SHC3: variants seen among roughly 807,000 people sequenced by gnomAD.
SHC3 encodes the protein SHC-transforming protein 3.
SHC3 carries 15 observed loss-of-function variants against 60.4 expected under a neutral mutation model. That is an observed-to-expected ratio of 0.25 (90% CI 0.17 to 0.38). The LOEUF is 0.38. Ranked by LOEUF, SHC3 falls within the 10% of genes least tolerant of loss-of-function variation. The pLI, the probability that SHC3 is intolerant of heterozygous loss-of-function variation, is 1.00. For synonymous variants in SHC3, 294 were observed against 325.9 expected, an observed-to-expected ratio of 0.90 and a Z score of 1.05; for missense variants, 677 against 786.1, an observed-to-expected ratio of 0.86 and a Z score of 1.66.
chr9:89,048,565 T>G (rs1195174153), intron 7 of SHC3, among the ~76,000 whole-genome samples: 1 of 152,128 alleles, frequency 6.6e-6, no homozygotes, highest in East Asian at 1.9e-4. Context: ...TGGGGGGTAA[T>G]GAAAACGTTC....
chr9:89,153,380 C>T (rs1218015566), intron 1 of SHC3, among the ~76,000 whole-genome samples: 1 of 152,208 alleles, frequency 6.6e-6, no homozygotes, highest in Non-Finnish European at 1.5e-5. Flanking sequence ...ACATCGCCTA[C>T]TTCAGCACTA....
intron 11 of SHC3, among the ~76,000 whole-genome samples, chr9:89,032,841 C>T (rs1229447157): frequency 6.6e-6 from 1 of 152,172 alleles, no homozygotes; most frequent in Non-Finnish European, 1.5e-5. Flanking sequence ...AACCAATTAC[C>T]ATGAAAATCA....
chr9:89,050,193 T>C (rs1824839759), intron 7 of SHC3, among the ~76,000 whole-genome samples: 1 of 152,224 alleles, frequency 6.6e-6, no homozygotes. Context: ...GCTTGACAAA[T>C]ACAGTCAAAT....
At chr9:89,119,981 T>C (rs1488244240) in intron 1 of SHC3, among the ~76,000 whole-genome samples, 1 of 152,146 alleles carries the variant, frequency 6.6e-6, no homozygotes, top group Non-Finnish European at 1.5e-5. Flanking sequence ...AGCTAGTACA[T>C]TAAGAAGAGA....
intron 2 of SHC3, among the ~76,000 whole-genome samples, chr9:89,087,407 C>A (rs1825548462): frequency 6.6e-6 from 1 of 152,112 alleles, no homozygotes; most frequent in African/African-American, 2.4e-5. Context: ...TCAGAACTTT[C>A]CCCTCCCCTC....
At chr9:89,078,166 A>C (rs1028836341) in intron 2 of SHC3, among the ~76,000 whole-genome samples, 1 of 151,202 alleles carries the variant, frequency 6.6e-6, no homozygotes, top group African/African-American at 2.4e-5. Flanking sequence ...CATCTGTGTC[A>C]ATGCTACACT....
At chr9:89,152,337 A>T (rs1185645204) in intron 1 of SHC3, among the ~76,000 whole-genome samples, 2 of 152,222 alleles carry the variant, frequency 1.3e-5, no homozygotes, top group African/African-American at 4.8e-5. Flanking sequence ...CATGCACTGT[A>T]AAAAATAGAG....
intron 5 of SHC3, among the ~76,000 whole-genome samples, chr9:89,070,776 T>A (rs1036195028): frequency 2.0e-5 from 3 of 152,202 alleles, no homozygotes; most frequent in Non-Finnish European, 4.4e-5. Flanking sequence ...ATGCTGATTT[T>A]AAATGCTTAT....
At chr9:89,039,853 GTCA>G (rs1222029092) in intron 10 of SHC3, among the ~76,000 whole-genome samples, 10 of 149,452 alleles carry the variant, frequency 6.7e-5, no homozygotes, top group Non-Finnish European at 1.3e-4. Context: ...CATCCCCATT[GTCA>G]TCATCATCAT....
chr9:89,074,066 C>T (rs1247261971), intron 4 of SHC3, among the ~76,000 whole-genome samples: 3 of 152,202 alleles, frequency 2.0e-5, no homozygotes, highest in Non-Finnish European at 4.4e-5. Context: ...GTTATGTTAA[C>T]ACAAAGCCTG....
intron 6 of SHC3, among the ~76,000 whole-genome samples, chr9:89,053,582 T>C (rs917959550): frequency 6.6e-6 from 1 of 152,264 alleles, no homozygotes; most frequent in South Asian, 2.1e-4. Flanking sequence ...ATGTATTTCC[T>C]CGGAAGAGCA....
intron 11 of SHC3, among the ~76,000 whole-genome samples, chr9:89,014,500 C>T (rs555223129): frequency 3.0e-4 from 45 of 152,218 alleles, no homozygotes; most frequent in African/African-American, 9.6e-4. Flanking sequence ...AGGCCACCCT[C>T]GCGGCTATGC....
At chr9:89,074,396 C>T (rs1825321146) in intron 4 of SHC3, among the ~76,000 whole-genome samples, 1 of 152,176 alleles carries the variant, frequency 6.6e-6, no homozygotes, top group Non-Finnish European at 1.5e-5. Context: ...ATTTCACCTC[C>T]TGCGCCTCAT....
At chr9:89,081,145 C>T (rs772009871) in intron 2 of SHC3, among the ~76,000 whole-genome samples, 1 of 152,080 alleles carries the variant, frequency 6.6e-6, no homozygotes, top group African/African-American at 2.4e-5. Flanking sequence ...TATTGACACA[C>T]TCAATAGCAT....
intron 2 of SHC3, among the ~76,000 whole-genome samples, chr9:89,103,521 A>G (rs913021660): frequency 6.6e-6 from 1 of 152,202 alleles, no homozygotes; most frequent in African/African-American, 2.4e-5. Flanking sequence ...CTAGGCTACT[A>G]TAGCCCAGGC....
intron 2 of SHC3, among the ~76,000 whole-genome samples, chr9:89,085,953 C>G (rs533208079): frequency 2.6e-4 from 40 of 152,320 alleles, no homozygotes; most frequent in African/African-American, 9.4e-4. Flanking sequence ...AGGCCACCAG[C>G]CATGGATCTG....
intron 1 of SHC3, among the ~76,000 whole-genome samples, chr9:89,154,816 T>G (rs1248207454): frequency 2.0e-5 from 3 of 152,198 alleles, no homozygotes; most frequent in African/African-American, 4.8e-5. Context: ...TGTGCTTGAT[T>G]TCATCTGAAA....
At chr9:89,122,971 A>G (rs1398652122) in intron 1 of SHC3, among the ~76,000 whole-genome samples, 2 of 152,246 alleles carry the variant, frequency 1.3e-5, no homozygotes, top group African/African-American at 2.4e-5. Context: ...CAAGGCTCAA[A>G]TCTGACTCCG....
chr9:89,167,822 T>C (rs961567872), intron 1 of SHC3, among the ~76,000 whole-genome samples: 1 of 152,256 alleles, frequency 6.6e-6, no homozygotes, highest in African/African-American at 2.4e-5. Flanking sequence ...TCCATTTTAC[T>C]GGTGAAACAC....
Sources: gnomAD v4.1 joint callset for allele counts (sites outside exome capture counted in the v4.1 genomes callset) on GRCh38, gnomAD v4.1.1 for gene constraint, MANE v1.5 for transcripts, NCBI Gene and HGNC (gene_info 2026-07-23, HGNC 2026-07-21) for gene names.